STAT4: variants seen among roughly 807,000 people sequenced by gnomAD.
STAT4 encodes signal transducer and activator of transcription 4.
In STAT4, 42 loss-of-function variants were observed where a neutral mutation model predicts 110.5. That is an observed-to-expected ratio of 0.38 (90% confidence interval 0.30 to 0.49). The LOEUF is 0.49. STAT4 is among the 20% of genes least tolerant of loss of function. The pLI is 0.95. For synonymous variants in STAT4, 284 were observed against 302.2 expected (o/e 0.94, Z 0.63); for missense variants, 632 against 887.9 (o/e 0.71, Z 3.66).
chr2:191,118,192 T>C (rs962232583), intron 3 of STAT4, among the ~76,000 whole-genome samples: 1 of 152,214 alleles, frequency 6.6e-6, no homozygotes, highest in Non-Finnish European at 1.5e-5. Context: ...TTTCACACCC[T>C]TTGACATAGC....
chr2:191,130,435 G>C (rs1283366358), intron 3 of STAT4, among the ~76,000 whole-genome samples: 1 of 150,058 alleles, frequency 6.7e-6, no homozygotes, highest in African/African-American at 2.5e-5. Flanking sequence ...TGTAAGCCAG[G>C]ATGGTCTCGA....
intron 3 of STAT4, among the ~76,000 whole-genome samples, chr2:191,145,456 GATTAGATCACTA>G (rs1312055681): frequency 1.3e-5 from 2 of 152,130 alleles, no homozygotes; most frequent in African/African-American, 4.8e-5. Context: ...TAGGTTTATA[GATTAGATCACTA>G]AGCTAATAAA....
At chr2:191,047,814 C>T (rs12465689) in intron 14 of STAT4, among the ~76,000 whole-genome samples, 37,622 of 151,816 alleles carry the variant, frequency 0.25, 5,165 homozygotes, top group East Asian at 0.45. Context: ...TATGGGCGTG[C>T]GCCATTATGC....
chr2:191,100,865 A>T (rs1698132417), intron 3 of STAT4, among the ~76,000 whole-genome samples: 1 of 152,056 alleles, frequency 6.6e-6, no homozygotes, highest in Non-Finnish European at 1.5e-5. Flanking sequence ...GACACCCTGA[A>T]TCAGCAGCAT....
chr2:191,057,928 G>T (rs1696751110), intron 13 of STAT4, 90 bp downstream of exon 13: 3 of 1,154,938 alleles, frequency 2.6e-6, no homozygotes, highest in Non-Finnish European at 3.8e-6. Context: ...AAATATTTAA[G>T]CACAAAACAT....
At chr2:191,097,889 A>T (rs558041167) in intron 3 of STAT4, among the ~76,000 whole-genome samples, 11 of 147,328 alleles carry the variant, frequency 7.5e-5, no homozygotes, top group African/African-American at 2.8e-4. Flanking sequence ...TCCAGAATCT[A>T]CAAAGAACTT....
intron 3 of STAT4, among the ~76,000 whole-genome samples, chr2:191,130,966 TTAAG>T (rs1245428715): frequency 6.6e-6 from 1 of 150,952 alleles, no homozygotes; most frequent in African/African-American, 2.5e-5. Context: ...AGGATGAAAA[TTAAG>T]TATCTGAGTA....
In STAT4 at chr2:191,059,704, A is replaced by T. The variant is rs3024927; in HGVS notation, c.1035-935T>A. ...GATAAGCAGCTCACTGGCATTAGAG[A>T]AATGAAATCATAGCTCATGGGCAGC... On this transcript the variant is annotated intron_variant, in intron 10 of 23. Coordinates refer to ENST00000392320, the MANE Select transcript of STAT4 (RefSeq NM_003151.4). The surrounding 1 kb of genome is among the most constrained non-coding windows in gnomAD (Gnocchi z 4.7). Among the ~76,000 whole-genome samples the T allele has an allele frequency of 6.6e-6, 1 of 152,320 alleles. No individual in the cohort carries two copies. The highest frequency in any genetic ancestry group is 1.5e-5 in the Non-Finnish European group (1 of 68,028).
intron 13 of STAT4, among the ~76,000 whole-genome samples, chr2:191,056,153 A>G (rs990737635): frequency 3.3e-5 from 5 of 152,218 alleles, no homozygotes; most frequent in African/African-American, 1.2e-4. Flanking sequence ...GTAGACTTTT[A>G]TCATTTTAAC....
intron 1 of STAT4, among the ~76,000 whole-genome samples, chr2:191,148,496 C>A (rs980408641): frequency 6.6e-6 from 1 of 152,066 alleles, no homozygotes; most frequent in Non-Finnish European, 1.5e-5. Flanking sequence ...CCACAGCTGT[C>A]TATGTGAATT....
At position 191,031,642 on chromosome 2, in the gene STAT4, G is replaced by T; in HGVS notation, c.2045-126C>A. On this transcript the variant is annotated intron_variant, in intron 21 of 23. Transcript: ENST00000392320. This position sits in a 1 kb window ranked among gnomAD's most constrained non-coding sequence, Gnocchi z 4.8. ...AAGAGAGATAACGCAGTTGTTCGGT[G>T]ATACACAGAAATGTTTTGTTAAATA... 2.8e-6 allele frequency: 2 copies of T among 713,136 alleles called. No homozygotes were observed. Among genetic ancestry groups the T allele is most frequent in the Non-Finnish European group, 4.7e-6 (2 of 426,284 alleles). 44.2% of individuals were successfully genotyped at this position (713,136 alleles called of 1,614,324 possible).
In STAT4 at chr2:191,142,562, T is replaced by C. The variant is rs1309754694; in HGVS notation, c.273+4051A>G. ...CATTCTATAGCAGGGTTAATATAGT[T>C]AACAACAATGTAATGTATATTTCAG... On this transcript the variant is annotated intron_variant, in intron 3 of 23. Coordinates refer to ENST00000392320, the MANE Select transcript of STAT4 (RefSeq NM_003151.4). The surrounding 1 kb of genome is among the most constrained non-coding windows in gnomAD (Gnocchi z 4.1). Among the ~76,000 whole-genome samples the C allele has an allele frequency of 3.3e-5, 5 of 152,128 alleles. No individual in the cohort carries two copies. The highest frequency in any genetic ancestry group is 9.7e-5 in the African/African-American group (4 of 41,440).
At chr2:191,129,213 TAATAAA>T (rs1255539655) in intron 3 of STAT4, among the ~76,000 whole-genome samples, 1 of 152,130 alleles carries the variant, frequency 6.6e-6, no homozygotes, top group East Asian at 1.9e-4. Context: ...TAGTAAATGA[TAATAAA>T]AATAAAAGCA....
intron 3 of STAT4, among the ~76,000 whole-genome samples, chr2:191,098,263 G>A (rs1184843749): frequency 6.6e-6 from 1 of 152,180 alleles, no homozygotes; most frequent in Non-Finnish European, 1.5e-5. Flanking sequence ...CCATTACTGG[G>A]TATACATCCA....
At chr2:191,149,001 C>T (rs1699525994) in intron 1 of STAT4, among the ~76,000 whole-genome samples, 1 of 152,112 alleles carries the variant, frequency 6.6e-6, no homozygotes, top group Non-Finnish European at 1.5e-5. Context: ...GAAAAGTACG[C>T]ATTTCCCCCT....
intron 18 of STAT4, 64 bp downstream of exon 18, chr2:191,034,484 G>T: frequency 4.2e-6 from 5 of 1,184,408 alleles, no homozygotes; most frequent in South Asian, 1.2e-5. Context: ...TGTAGTAATA[G>T]ACTTAGAAAG....
rs1181227307 is a variant in STAT4 at position 191,150,744 on chromosome 2, G to T, written c.-2+203C>A. Among the ~76,000 whole-genome samples, 1 of 152,232 alleles carries T rather than the reference G, an allele frequency of 6.6e-6. No individual in the cohort carries two copies. Among genetic ancestry groups the T allele is most frequent in the East Asian group, 1.9e-4 (1 of 5,190 alleles). On this transcript the variant is annotated intron_variant, in intron 1 of 23. Transcript: ENST00000392320. The surrounding 1 kb of genome is among the most constrained non-coding windows in gnomAD (Gnocchi z 6.4). ...CCGGGCACCGTGGCGCGGGCCTGCGGAGCGGTTTCCGCGGAGAACCCGTGC... is the reference window on the plus strand; with the variant it reads ...CCGGGCACCGTGGCGCGGGCCTGCGTAGCGGTTTCCGCGGAGAACCCGTGC...
chr2:191,127,165 C>A (rs10804037), intron 3 of STAT4, among the ~76,000 whole-genome samples: 92,551 of 151,868 alleles, frequency 0.61, 28,969 homozygotes, highest in South Asian at 0.78. Context: ...CTCCAATATT[C>A]TTTTGCCTAC....
At chr2:191,133,462 G>A (rs1253885540) in intron 3 of STAT4, among the ~76,000 whole-genome samples, 2 of 150,986 alleles carry the variant, frequency 1.3e-5, no homozygotes, top group East Asian at 3.9e-4. Context: ...TGGTGTGTGT[G>A]TGGGTGGGTG....
Sources: allele counts gnomAD v4.1 joint callset (sites outside exome capture counted in the v4.1 genomes callset), GRCh38; gene constraint gnomAD v4.1.1; non-coding constraint Gnocchi (gnomAD v3.1); transcripts MANE v1.5; gene names NCBI Gene and HGNC (gene_info 2026-07-23, HGNC 2026-07-21).